Variants in CFAP43 observed in about 807,000 individuals in gnomAD.
CFAP43 encodes cilia and flagella associated protein 43, also known as cilia- and flagella-associated protein 43.
CFAP43 carries 155 observed loss-of-function variants against 218.9 expected under a neutral mutation model. That is an observed-to-expected ratio of 0.71 (90% confidence interval 0.62 to 0.81). CFAP43 has a LOEUF of 0.81. Among genes scored for constraint, CFAP43 ranks in the 30% least tolerant of loss-of-function variants. The pLI is 0.00. For missense variants in CFAP43, 1,778 were observed against 1,954.3 expected (o/e 0.91, Z 1.70); for synonymous variants, 645 against 681.3 (o/e 0.95, Z 0.83).
chr10:104,166,335 G>A (rs1389290577), intron 23 of CFAP43, among the ~76,000 whole-genome samples, 153 bp downstream of exon 23: 1 of 152,118 alleles, frequency 6.6e-6, no homozygotes, highest in Non-Finnish European at 1.5e-5. Flanking sequence ...TCCTCCCAAA[G>A]TACTGGGATT....
intron 34 of CFAP43, among the ~76,000 whole-genome samples, chr10:104,136,411 C>A (rs1385246673): frequency 4.6e-5 from 7 of 151,580 alleles, no homozygotes; most frequent in African/African-American, 1.7e-4. Flanking sequence ...TACTCTGCCA[C>A]CCAGGCTGGA....
At chr10:104,177,517 T>A (rs968493194) in intron 19 of CFAP43, among the ~76,000 whole-genome samples, 1 of 152,078 alleles carries the variant, frequency 6.6e-6, no homozygotes, top group Non-Finnish European at 1.5e-5. Flanking sequence ...ATAGCAACAA[T>A]GGGGTTCTCC....
intron 28 of CFAP43, among the ~76,000 whole-genome samples, chr10:104,150,713 T>C (rs1236404154): frequency 2.0e-5 from 3 of 152,114 alleles, no homozygotes; most frequent in Non-Finnish European, 4.4e-5. Flanking sequence ...GACCCGGCAT[T>C]TCTCAAAATA....
intron 23 of CFAP43, among the ~76,000 whole-genome samples, chr10:104,165,494 A>G (rs1433166756): frequency 6.6e-6 from 1 of 152,192 alleles, no homozygotes; most frequent in East Asian, 1.9e-4. Context: ...TAAAAAGAAG[A>G]GGATAGGAAG....
intron 27 of CFAP43, 77 bp downstream of exon 27, chr10:104,160,960 A>G: frequency 7.1e-7 from 1 of 1,400,316 alleles, no homozygotes; most frequent in Non-Finnish European, 9.7e-7. Flanking sequence ...GATATCGACA[A>G]AGTAGAAAAC....
At chr10:104,142,216 A>T in intron 33 of CFAP43, 65 bp downstream of exon 33, 1 of 1,379,016 alleles carries the variant, frequency 7.3e-7, no homozygotes, top group Middle Eastern at 1.8e-4. Flanking sequence ...CCCAGTGATA[A>T]CACAACCTGA....
chr10:104,230,901 T>A (rs79577964), intron 1 of CFAP43, 58 bp from the exon 2 acceptor site: 3 of 1,474,920 alleles, frequency 2.0e-6, no homozygotes, highest in African/African-American at 1.4e-5. Flanking sequence ...TTTTTTTTTT[T>A]AACAAAGCAA....
At chr10:104,139,252 CG>C (rs1484937666) in intron 34 of CFAP43, among the ~76,000 whole-genome samples, 1 of 152,008 alleles carries the variant, frequency 6.6e-6, no homozygotes, top group East Asian at 1.9e-4. Flanking sequence ...CAATCTGACA[CG>C]TGTGTAATTG....
intron 23 of CFAP43, among the ~76,000 whole-genome samples, chr10:104,166,230 T>A (rs527357950): frequency 6.6e-6 from 1 of 152,204 alleles, no homozygotes; most frequent in African/African-American, 2.4e-5. Flanking sequence ...CGCACCACCA[T>A]GCTCAGCTAA....
intron 19 of CFAP43, among the ~76,000 whole-genome samples, chr10:104,173,734 A>T (rs879756940): frequency 4.2e-4 from 64 of 152,364 alleles, no homozygotes; most frequent in Non-Finnish European, 8.2e-4. Flanking sequence ...GAGAGCAGAC[A>T]GAATACCTGC....
intron 6 of CFAP43, among the ~76,000 whole-genome samples, chr10:104,206,673 TAGTA>T (rs2090699312): frequency 6.6e-6 from 1 of 152,070 alleles, no homozygotes; most frequent in Admixed American, 6.5e-5. Context: ...AGGTGTGAAA[TAGTA>T]AGAGCAATTG....
At position 104,187,358 on chromosome 10, in the gene CFAP43, G is replaced by A; in HGVS notation, c.1822C>T (p.Gln608Ter). ...QSNQIYGFCS[Q>*]VPYICSYLLP... is the part of the protein sequence containing the mutation. ...AGGTAGCTACAGATGTATGGCACTT[G>A]ACTACAGAAGCCATATATTTGGTTA... is the stretch of plus-strand genomic sequence containing the variant. The change falls in exon 14 of 38, where the codon CAA becomes TAA. Residue 608 changes from glutamine (Q) to a stop codon, truncating the protein, a stop_gained. Transcript: ENST00000357060. LOFTEE classifies it high-confidence loss of function. The A allele has an allele frequency of 6.2e-7, 1 of 1,609,700 alleles. No individual in the cohort carries two copies. Among genetic ancestry groups the A allele is most frequent in the Non-Finnish European group, 8.5e-7 (1 of 1,178,838 alleles).
At chr10:104,140,708 G>A (rs1440101556) in intron 34 of CFAP43, 134 bp downstream of exon 34, 1 of 622,660 alleles carries the variant, frequency 1.6e-6, no homozygotes, top group Admixed American at 3.6e-5. Flanking sequence ...AGCTACTTGG[G>A]AGGTGAAGGT....
intron 10 of CFAP43, 92 bp from the exon 11 acceptor site, chr10:104,194,106 A>C: frequency 6.8e-7 from 1 of 1,472,188 alleles, no homozygotes; most frequent in Non-Finnish European, 9.1e-7. Flanking sequence ...AAAAGCCTGC[A>C]GGATGAGAAA....
intron 7 of CFAP43, 123 bp downstream of exon 7, chr10:104,205,840 C>G: frequency 1.2e-6 from 1 of 807,316 alleles, no homozygotes; most frequent in Non-Finnish European, 2.0e-6. Flanking sequence ...AAAGAGGAAA[C>G]CATTTTAATT....
intron 25 of CFAP43, 25 bp from the exon 26 acceptor site, chr10:104,162,066 G>A: frequency 1.2e-6 from 2 of 1,604,422 alleles, no homozygotes; most frequent in Non-Finnish European, 1.7e-6. Flanking sequence ...GAATCAGAGA[G>A]GAATACTGAG....
At chr10:104,187,250 C>T in intron 14 of CFAP43, 70 bp downstream of exon 14, 1 of 1,340,860 alleles carries the variant, frequency 7.5e-7, no homozygotes, top group Non-Finnish European at 9.9e-7. Flanking sequence ...AAGAGGATCA[C>T]ATCTAATCAG....
At chr10:104,184,710 AGAACCC>A (rs2089974272) in intron 16 of CFAP43, among the ~76,000 whole-genome samples, 2 of 152,064 alleles carry the variant, frequency 1.3e-5, no homozygotes, top group Admixed American at 6.6e-5. Flanking sequence ...CCTATGCCTC[AGAACCC>A]ACTGATAATA....
At chr10:104,188,513 A>G (rs975342987) in intron 12 of CFAP43, 103 bp from the exon 13 acceptor site, 2 of 1,380,686 alleles carry the variant, frequency 1.4e-6, no homozygotes, top group African/African-American at 2.9e-5. Context: ...CCTTCACTAT[A>G]TCTTTAGAAT....
Sources: gnomAD v4.1 joint callset for allele counts (sites outside exome capture counted in the v4.1 genomes callset) on GRCh38, gnomAD v4.1.1 for gene constraint, MANE v1.5 for transcripts, NCBI Gene and HGNC (gene_info 2026-07-23, HGNC 2026-07-21) for gene names.